Variants in KCNMA1 observed in about 807,000 individuals in gnomAD.
The protein encoded by KCNMA1 is potassium calcium-activated channel subfamily M alpha 1, also known as Calcium-activated potassium channel subunit alpha-1.
Under a neutral mutation model 140.0 loss-of-function variants are expected in KCNMA1, and 29 were observed. The observed-to-expected ratio is 0.21, with a 90% confidence interval of 0.15 to 0.28. The LOEUF is 0.28. Ranked by LOEUF, KCNMA1 falls within the 10% of genes least tolerant of loss-of-function variation. KCNMA1 has a pLI of 1.00. For missense variants in KCNMA1, 880 were observed against 1,602.2 expected (o/e 0.55, Z 7.70); for synonymous variants, 612 against 611.9 (o/e 1.00, Z 0.00).
rs555483407 is a variant in KCNMA1 at position 77,450,137 on chromosome 10, C to T, written c.379-46114G>A. On this transcript the variant is annotated intron_variant, in intron 1 of 27. Transcript: ENST00000286628. ...GTGGCACGATCTTGGCTCACTTCAA[C>T]CTTTGTCTCCCAGGTTCAAGTGATT... Among the ~76,000 whole-genome samples the T allele has an allele frequency of 3.3e-5, 5 of 152,164 alleles. No individual in the cohort carries two copies. In the South Asian group the frequency reaches 1.0e-3, roughly 32 times the overall value.
At chr10:76,929,180 G>GAGA (rs2058623635) in intron 23 of KCNMA1, among the ~76,000 whole-genome samples, 3 of 152,134 alleles carry the variant, frequency 2.0e-5, no homozygotes, top group Admixed American at 2.0e-4. Flanking sequence ...TCCCAATAAA[G>GAGA]AGAAAGCCAC....
intron 25 of KCNMA1, 61 bp downstream of exon 25, chr10:76,909,905 G>C (rs1451444617): frequency 5.1e-6 from 8 of 1,584,094 alleles, no homozygotes; most frequent in African/African-American, 4.0e-5. Flanking sequence ...TCAAAGGTTG[G>C]AGGTGCTCTA....
chr10:77,191,264 G>A (rs745762713), intron 3 of KCNMA1, among the ~76,000 whole-genome samples: 15 of 152,120 alleles, frequency 9.9e-5, no homozygotes, highest in Non-Finnish European at 2.1e-4. Context: ...TAAAATTTAA[G>A]ATCACAGAAA....
intron 5 of KCNMA1, among the ~76,000 whole-genome samples, chr10:77,155,943 G>A: frequency 6.6e-6 from 1 of 152,122 alleles, no homozygotes; most frequent in East Asian, 1.9e-4. Context: ...AAAAAACAAA[G>A]TTGGCCGGGC....
chr10:77,040,235 G>A (rs1374884898), intron 14 of KCNMA1, among the ~76,000 whole-genome samples: 2 of 151,960 alleles, frequency 1.3e-5, no homozygotes, highest in East Asian at 1.9e-4. Context: ...CCACATTAGT[G>A]GGCAAGGAAA....
chr10:77,417,739 T>C (rs2096774046), intron 1 of KCNMA1, among the ~76,000 whole-genome samples: 1 of 152,220 alleles, frequency 6.6e-6, no homozygotes, highest in Non-Finnish European at 1.5e-5. Flanking sequence ...GCTTCTTCCA[T>C]TTGCTGAACT....
intron 2 of KCNMA1, among the ~76,000 whole-genome samples, chr10:77,336,702 G>A (rs890249855): frequency 2.0e-5 from 3 of 152,190 alleles, no homozygotes; most frequent in African/African-American, 7.2e-5. Flanking sequence ...ATGGCATTGG[G>A]AGCTGAGTGA....
intron 16 of KCNMA1, among the ~76,000 whole-genome samples, chr10:77,024,134 C>T (rs996767172): frequency 1.3e-5 from 2 of 152,148 alleles, no homozygotes; most frequent in East Asian, 3.9e-4. Context: ...AAATCATTTT[C>T]TGGTATACTT....
In KCNMA1 at chr10:77,268,384, G is replaced by A. The variant is rs1341563986; in HGVS notation, c.541-17128C>T. On this transcript the variant is annotated intron_variant, in intron 2 of 27. Transcript: ENST00000286628. ...GTTCGCAGAGTATAGGAGATTCTCC[G>A]AGAGAAGCCAGTAGCATTTCCATGC... is the stretch of plus-strand genomic sequence containing the variant. Among the ~76,000 whole-genome samples the A allele has an allele frequency of 3.3e-5, 5 of 152,114 alleles. No homozygotes were observed. In the East Asian group the frequency reaches 5.8e-4, roughly 18 times the overall value.
intron 14 of KCNMA1, among the ~76,000 whole-genome samples, chr10:77,067,525 C>G (rs1045192038): frequency 6.6e-6 from 1 of 152,308 alleles, no homozygotes; most frequent in Non-Finnish European, 1.5e-5. Flanking sequence ...CACAGAGACA[C>G]CATTGCTCTG....
chr10:77,321,920 C>T (rs1404955478), intron 2 of KCNMA1, among the ~76,000 whole-genome samples: 2 of 152,150 alleles, frequency 1.3e-5, no homozygotes, highest in South Asian at 2.1e-4. Flanking sequence ...CAGGATGATA[C>T]CAACTGCATT....
chr10:77,389,942 C>A (rs950445467), intron 2 of KCNMA1, among the ~76,000 whole-genome samples: 10 of 152,178 alleles, frequency 6.6e-5, no homozygotes, highest in Non-Finnish European at 1.2e-4. Flanking sequence ...TGCAGAGACA[C>A]CCCTTGATGA....
rs546402965 is a variant in KCNMA1, at chr10:76,929,504, T to C, written c.2903-14455A>G. Among the ~76,000 whole-genome samples the C allele has an allele frequency of 1.8e-4, 27 of 152,340 alleles. No individual in the cohort carries two copies. The South Asian group carries it at 5.6e-3, about 32-fold the overall frequency. The stretch of plus-strand genomic sequence containing the variant: ...ATTTTCACAATGCCCATTATATGCT[T>C]TCCAAATCTCCTAGCAATCATGCCT... On this transcript the variant is annotated intron_variant, in intron 23 of 27. Coordinates refer to ENST00000286628, the MANE Select transcript of KCNMA1 (RefSeq NM_001161352.2).
At chr10:77,042,319 G>A (rs2094767591) in intron 14 of KCNMA1, among the ~76,000 whole-genome samples, 1 of 152,142 alleles carries the variant, frequency 6.6e-6, no homozygotes, top group Non-Finnish European at 1.5e-5. Context: ...AGATATGCTT[G>A]ACTTATAAGC....
At chr10:77,548,216 T>G (rs1372026076) in intron 1 of KCNMA1, among the ~76,000 whole-genome samples, 7 of 152,124 alleles carry the variant, frequency 4.6e-5, no homozygotes, top group African/African-American at 1.4e-4. Flanking sequence ...TACAAATGCC[T>G]CAGGTGACAG....
At chr10:77,102,702 C>G (rs962882239) in intron 9 of KCNMA1, among the ~76,000 whole-genome samples, 3 of 152,228 alleles carry the variant, frequency 2.0e-5, no homozygotes, top group African/African-American at 7.2e-5. Flanking sequence ...GGTCATTGAA[C>G]AAGCGTTAGT....
At chr10:77,066,182 G>A (rs1034815206) in intron 14 of KCNMA1, among the ~76,000 whole-genome samples, 11 of 152,278 alleles carry the variant, frequency 7.2e-5, no homozygotes, top group Admixed American at 4.6e-4. Flanking sequence ...TTGGAGGTGG[G>A]GTGGTAAGGG....
chr10:76,960,622 T>G (rs1159464010), intron 20 of KCNMA1, among the ~76,000 whole-genome samples: 4 of 139,756 alleles, frequency 2.9e-5, no homozygotes, highest in East Asian at 3.9e-4. Flanking sequence ...GGTTTTGTTT[T>G]TTTTTTTTTT....
chr10:77,046,769 C>T (rs1016775631), intron 14 of KCNMA1, among the ~76,000 whole-genome samples: 2 of 152,174 alleles, frequency 1.3e-5, no homozygotes, highest in Non-Finnish European at 2.9e-5. Context: ...AGTATAATTG[C>T]AAATCCTAAA....
Sources: allele counts gnomAD v4.1 joint callset (sites outside exome capture counted in the v4.1 genomes callset), GRCh38; gene constraint gnomAD v4.1.1; transcripts MANE v1.5; gene names NCBI Gene and HGNC (gene_info 2026-07-23, HGNC 2026-07-21).